The following MTTP variants were observed in gnomAD, a reference collection of about 807,000 sequenced individuals.
The protein encoded by MTTP is microsomal triglyceride transfer protein.
MTTP carries 49 observed loss-of-function variants against 90.6 expected under a neutral mutation model. That is an observed-to-expected ratio of 0.54 (90% CI 0.43 to 0.69). The LOEUF (loss-of-function observed/expected upper bound fraction) is 0.69, where lower values mean the gene tolerates loss of function less well. Ranked by LOEUF, MTTP falls within the 30% of genes least tolerant of loss-of-function variation. The pLI, the probability that MTTP is intolerant of heterozygous loss-of-function variation, is 0.00. For synonymous variants in MTTP, 347 were observed against 384.2 expected (o/e 0.90, Z 1.13); for missense variants, 945 against 1,067.5 (o/e 0.89, Z 1.60).
At chr4:99,579,022 G>T (rs1725034077) in intron 1 of MTTP, among the ~76,000 whole-genome samples, 1 of 152,188 alleles carries the variant, frequency 6.6e-6, no homozygotes, top group South Asian at 2.1e-4. Context: ...AGAAGACATA[G>T]AGATAAGAGG....
intron 15 of MTTP, 111 bp from the exon 16 acceptor site, chr4:99,618,863 A>T (rs1726162449): frequency 7.0e-7 from 1 of 1,423,590 alleles, no homozygotes; most frequent in Admixed American, 1.7e-5. Context: ...CAACATCAAC[A>T]CAACTCAAAT....
intron 8 of MTTP, among the ~76,000 whole-genome samples, chr4:99,597,585 C>T (rs981460063): frequency 6.6e-5 from 10 of 152,150 alleles, no homozygotes; most frequent in African/African-American, 2.4e-4. Flanking sequence ...TAATTGACAC[C>T]TGAACAGATT....
chr4:99,595,713 A>G (rs1725536958), intron 7 of MTTP: 1 of 152,018 alleles, frequency 6.6e-6, no homozygotes, highest in African/African-American at 2.4e-5. Context: ...ACATTTTAAA[A>G]CACAAAATCA....
intron 12 of MTTP, among the ~76,000 whole-genome samples, chr4:99,610,562 T>C (rs938043803): frequency 1.3e-5 from 2 of 152,206 alleles, no homozygotes; most frequent in African/African-American, 4.8e-5. Context: ...GAAATGAACA[T>C]CTTAACACTA....
Position 99,597,135 on chromosome 4 carries a change from C to A in MTTP, c.978C>A (p.Val326=). ...QPDNLSKAEA[V]RNFLAFIQHL... is the part of the protein sequence containing the mutation. ...ACAACCTTTCCAAGGCTGAGGCTGTCAGAAACTTCCTGGCCTTCATTCAGC... is the reference window on the plus strand; with the variant it reads ...ACAACCTTTCCAAGGCTGAGGCTGTAAGAAACTTCCTGGCCTTCATTCAGC... The change falls in exon 8 of 18, where the codon GTC becomes GTA. Residue 326 remains valine, a synonymous_variant. Coordinates refer to ENST00000265517, the MANE Select transcript of MTTP (RefSeq NM_001386140.1). 3 of 1,614,006 alleles carry A rather than the reference C, an allele frequency of 1.9e-6. No individual in the cohort carries two copies. In the South Asian group the frequency reaches 3.3e-5, roughly 18 times the overall value.
rs2110228794 is a variant in MTTP, at chr4:99,606,916, A to G, written c.1513A>G (p.Thr505Ala). 2 of 1,613,942 alleles carry G rather than the reference A, an allele frequency of 1.2e-6. No individual in the cohort carries two copies. Among genetic ancestry groups the G allele is most frequent in the Admixed American group, 3.3e-5 (2 of 60,012 alleles). Residue 505 changes from threonine to alanine, a missense_variant, in exon 11 of 18, where the codon ACC becomes GCC. Coordinates refer to ENST00000265517, the MANE Select transcript of MTTP (RefSeq NM_001386140.1). The part of the protein sequence containing the change: ...AGEGPISHLA[T>A]TALQRYDLPF... Reference sequence around the variant, plus strand: ...AGAAGGGCCCATCAGCCACCTGGCTACCACTGCTCTCCAGAGATATGATCT... The same window carrying G: ...AGAAGGGCCCATCAGCCACCTGGCTGCCACTGCTCTCCAGAGATATGATCT...
intron 1 of MTTP, among the ~76,000 whole-genome samples, chr4:99,566,120 T>C (rs934004308): frequency 1.3e-5 from 2 of 151,242 alleles, no homozygotes; most frequent in Non-Finnish European, 3.0e-5. Context: ...AAACCCCGTC[T>C]CTGCTGAAAA....
intron 3 of MTTP, among the ~76,000 whole-genome samples, chr4:99,585,741 CATT>C (rs1725243235): frequency 6.6e-6 from 1 of 152,068 alleles, no homozygotes; most frequent in Admixed American, 6.6e-5. Context: ...ACTGCCACAT[CATT>C]ATTTTAATAA....
intron 8 of MTTP, 62 bp from the exon 9 acceptor site, chr4:99,600,503 A>G: frequency 6.8e-7 from 1 of 1,476,740 alleles, no homozygotes; most frequent in Non-Finnish European, 9.5e-7. Context: ...TGTGAATGGT[A>G]GAGATTTTTA....
At chr4:99,576,590 G>A in intron 1 of MTTP, among the ~76,000 whole-genome samples, 1 of 148,940 alleles carries the variant, frequency 6.7e-6, no homozygotes, top group East Asian at 2.0e-4. Flanking sequence ...AGCTACTTGG[G>A]AGGCTGCGGC....
At chr4:99,602,539 G>A (rs773533312) in intron 10 of MTTP, among the ~76,000 whole-genome samples, 3 of 151,912 alleles carry the variant, frequency 2.0e-5, no homozygotes, top group Non-Finnish European at 4.4e-5. Context: ...AAAAATAGTA[G>A]GGAAAATGTT....
At chr4:99,620,929 C>T in intron 16 of MTTP, 132 bp from the exon 17 acceptor site, 1 of 844,864 alleles carries the variant, frequency 1.2e-6, no homozygotes, top group Non-Finnish European at 1.8e-6. Flanking sequence ...ATCCAGGTCA[C>T]CTCTGAATCC....
intron 3 of MTTP, among the ~76,000 whole-genome samples, chr4:99,588,682 T>C (rs551259786): frequency 7.0e-6 from 1 of 143,196 alleles, no homozygotes; most frequent in South Asian, 2.2e-4. Flanking sequence ...TTTCCAGCCT[T>C]CTGAATATAT....
intron 8 of MTTP, 78 bp downstream of exon 8, chr4:99,597,302 C>A (rs2110222382): frequency 6.6e-7 from 1 of 1,510,174 alleles, no homozygotes; most frequent in Non-Finnish European, 9.1e-7. Context: ...TAAGAAAGAC[C>A]CCTTTTAAAC....
Position 99,609,022 on chromosome 4 carries a change from G to A in MTTP, c.1769+45G>A, listed in dbSNP as rs775843296. The A allele has an allele frequency of 2.4e-5, 37 of 1,515,230 alleles. No individual in the cohort carries two copies. The East Asian group carries it at 8.1e-4, about 33-fold the overall frequency. The allele number at this position is 1,515,230 out of a possible 1,614,324, so 93.9% of individuals were successfully genotyped here. ...TCTCTCTGTGTATTCAAGCTTATTT[G>A]TGTGTTCATGGGGTACCGATGTAGC... is the stretch of plus-strand genomic sequence containing the variant. On this transcript the variant is annotated intron_variant, in intron 12 of 17. Coordinates refer to ENST00000265517, the MANE Select transcript of MTTP (RefSeq NM_001386140.1).
intron 1 of MTTP, among the ~76,000 whole-genome samples, chr4:99,580,940 G>C (rs1725095404): frequency 6.6e-6 from 1 of 151,952 alleles, no homozygotes; most frequent in South Asian, 2.1e-4. Context: ...CCCCTTTTCT[G>C]TCCCTCTCCC....
At chr4:99,614,970 T>A (rs1726062999) in intron 15 of MTTP, among the ~76,000 whole-genome samples, 1 of 152,208 alleles carries the variant, frequency 6.6e-6, no homozygotes, top group South Asian at 2.1e-4. Context: ...TCAAATTATA[T>A]CAGAATTTTA....
rs577285462 is a variant in MTTP at position 99,577,614 on chromosome 4, AAAAAAAAAG to A, written c.61+2648_61+2656del. Among the ~76,000 whole-genome samples the A allele has an allele frequency of 8.8e-3, 1,327 of 150,442 alleles. 12 individuals are homozygous for A. The highest frequency in any genetic ancestry group is 0.035 in the South Asian group (162 of 4,694). The stretch of plus-strand genomic sequence containing the variant: ...GAGCGAAACTCTGTTTCAAAAAAAA[AAAAAAAAAG>A]AAAGAAAAGAAAGAAAGGAAGGAAG... On this transcript the variant is annotated intron_variant, in intron 1 of 17. Transcript: ENST00000265517.
chr4:99,584,208 T>A (rs1725200138), intron 3 of MTTP: 2 of 152,138 alleles, frequency 1.3e-5, no homozygotes, highest in African/African-American at 4.8e-5. Flanking sequence ...GATCAGTTGA[T>A]TATTAGGCAT....
Sources: gnomAD v4.1 joint callset for allele counts (sites outside exome capture counted in the v4.1 genomes callset) on GRCh38, gnomAD v4.1.1 for gene constraint, MANE v1.5 for transcripts, NCBI Gene and HGNC (gene_info 2026-07-23, HGNC 2026-07-21) for gene names.